Variants in OPCML observed in about 807,000 individuals in gnomAD.
OPCML encodes opioid binding protein/cell adhesion molecule like.
Under a neutral mutation model 37.8 loss-of-function variants are expected in OPCML, and 13 were observed. The observed-to-expected ratio is 0.34, with a 90% CI of 0.22 to 0.55. The LOEUF (loss-of-function observed/expected upper bound fraction) is 0.55, where lower values mean the gene tolerates loss of function less well. OPCML is among the 20% of genes least tolerant of loss of function. OPCML has a pLI of 0.91. For synonymous variants in OPCML, 176 were observed against 168.8 expected (o/e 1.04, Z -0.33); for missense variants, 341 against 435.6 (o/e 0.78, Z 1.93).
intron 1 of OPCML, among the ~76,000 whole-genome samples, chr11:133,521,743 C>T (rs1361815265): frequency 1.3e-5 from 2 of 152,216 alleles, no homozygotes; most frequent in Admixed American, 6.5e-5. Context: ...CTATTTCCAT[C>T]TGCCACATTC....
chr11:132,543,281 G>GTGGAAGGA (rs2096361326), intron 3 of OPCML, among the ~76,000 whole-genome samples: 1 of 152,152 alleles, frequency 6.6e-6, no homozygotes, highest in African/African-American at 2.4e-5. Flanking sequence ...AGAGGCTAAT[G>GTGGAAGGA]TGGAAGGATT....
chr11:132,673,254 G>T (rs1261124168), intron 2 of OPCML, among the ~76,000 whole-genome samples: 1 of 152,116 alleles, frequency 6.6e-6, no homozygotes, highest in Non-Finnish European at 1.5e-5. Context: ...GATCAGAGGT[G>T]ATGTTCATGA....
At chr11:132,789,969 C>T (rs570295667) in intron 2 of OPCML, among the ~76,000 whole-genome samples, 144 of 152,122 alleles carry the variant, frequency 9.5e-4, no homozygotes, top group Non-Finnish European at 1.7e-3. Context: ...ATATCTCGAA[C>T]AACTCATAAG....
chr11:133,461,221 G>A (rs911670219), intron 1 of OPCML, among the ~76,000 whole-genome samples: 9 of 151,854 alleles, frequency 5.9e-5, no homozygotes, highest in African/African-American at 2.2e-4. Flanking sequence ...AGAAGTACAA[G>A]CCAGAGCAAT....
rs1939911619 is a variant in OPCML at position 132,820,429 on chromosome 11, A to G, written c.146+122497T>C. On this transcript the variant is annotated intron_variant, in intron 2 of 7. Transcript: ENST00000524381. The stretch of plus-strand genomic sequence containing the variant: ...CAAACAGCTAGACAGACATTCGATC[A>G]AGTTCCAACTTCAAGAAAACTAAGG... Among the ~76,000 whole-genome samples, 3 of 152,290 alleles carry G rather than the reference A, an allele frequency of 2.0e-5. No homozygotes were observed. In the South Asian group the frequency reaches 6.2e-4, roughly 32 times the overall value.
intron 2 of OPCML, among the ~76,000 whole-genome samples, chr11:132,841,272 C>A (rs910629937): frequency 6.6e-6 from 1 of 152,188 alleles, no homozygotes; most frequent in African/African-American, 2.4e-5. Context: ...TTTATAATTT[C>A]TTACCTAGCA....
chr11:133,423,506 C>T (rs2136900056), intron 1 of OPCML: 1 of 985,196 alleles, frequency 1.0e-6, no homozygotes, highest in African/African-American at 1.7e-5. Flanking sequence ...TAGAAGCTCC[C>T]AAACTGGAGA....
At chr11:132,497,553 G>C (rs761819575) in intron 4 of OPCML, among the ~76,000 whole-genome samples, 3 of 152,102 alleles carry the variant, frequency 2.0e-5, no homozygotes, top group Non-Finnish European at 4.4e-5. Flanking sequence ...AGCCTTCTGG[G>C]CAGAGAGCAG....
At chr11:132,822,126 C>T (rs2136250914) in intron 2 of OPCML, among the ~76,000 whole-genome samples, 1 of 152,162 alleles carries the variant, frequency 6.6e-6, no homozygotes, top group South Asian at 2.1e-4. Context: ...CTGGAGACAC[C>T]CGTGATACAC....
At chr11:132,923,373 C>T (rs55655614) in intron 2 of OPCML, among the ~76,000 whole-genome samples, 18,529 of 152,092 alleles carry the variant, frequency 0.12, 1,305 homozygotes, top group East Asian at 0.34. Flanking sequence ...AAAAATCTTC[C>T]TGGATTACTA....
intron 1 of OPCML, among the ~76,000 whole-genome samples, chr11:133,145,953 A>G (rs1462075832): frequency 6.6e-6 from 1 of 152,242 alleles, no homozygotes; most frequent in African/African-American, 2.4e-5. Context: ...ATACCTTACA[A>G]GGTATTAATG....
chr11:132,722,505 G>T (rs11223190), intron 2 of OPCML, among the ~76,000 whole-genome samples: 2 of 152,264 alleles, frequency 1.3e-5, no homozygotes, highest in African/African-American at 4.8e-5. Flanking sequence ...GAGAGCCACA[G>T]AAATGACAGC....
chr11:133,144,391 C>T (rs1273558579), intron 1 of OPCML, among the ~76,000 whole-genome samples: 1 of 152,220 alleles, frequency 6.6e-6, no homozygotes, highest in Non-Finnish European at 1.5e-5. Context: ...TGCCTTTTGA[C>T]CCTCTTCAGC....
At chr11:133,126,110 A>G (rs993126592) in intron 1 of OPCML, among the ~76,000 whole-genome samples, 6 of 151,684 alleles carry the variant, frequency 4.0e-5, no homozygotes, top group African/African-American at 1.5e-4. Context: ...TGAGAGAGAG[A>G]GAGATTATAG....
intron 2 of OPCML, among the ~76,000 whole-genome samples, chr11:132,827,168 C>T (rs749129857): frequency 2.6e-5 from 4 of 151,980 alleles, no homozygotes; most frequent in Non-Finnish European, 4.4e-5. Context: ...AACATATATC[C>T]GATGAAAGAT....
At chr11:133,502,978 A>G (rs773208062) in intron 1 of OPCML, among the ~76,000 whole-genome samples, 2 of 152,192 alleles carry the variant, frequency 1.3e-5, no homozygotes, top group African/African-American at 4.8e-5. Flanking sequence ...TGTTCAGTAC[A>G]AGATGCACAG....
At chr11:132,450,222 C>T (rs1272734832) in intron 4 of OPCML, among the ~76,000 whole-genome samples, 2 of 152,184 alleles carry the variant, frequency 1.3e-5, no homozygotes, top group Non-Finnish European at 2.9e-5. Context: ...AGATTGTTTC[C>T]CACCAGCCCA....
At chr11:132,927,675 C>G (rs1385991925) in intron 2 of OPCML, among the ~76,000 whole-genome samples, 1 of 151,760 alleles carries the variant, frequency 6.6e-6, no homozygotes, top group Non-Finnish European at 1.5e-5. Context: ...GGACACCTAC[C>G]AAAAAACCTG....
intron 1 of OPCML, among the ~76,000 whole-genome samples, chr11:133,501,567 G>A (rs1356253466): frequency 2.0e-5 from 3 of 152,084 alleles, no homozygotes; most frequent in Non-Finnish European, 4.4e-5. Context: ...TTAACTCTGG[G>A]ATCATACATC....
Sources: allele counts gnomAD v4.1 joint callset (sites outside exome capture counted in the v4.1 genomes callset), GRCh38; gene constraint gnomAD v4.1.1; transcripts MANE v1.5; gene names NCBI Gene and HGNC (gene_info 2026-07-23, HGNC 2026-07-21).